Variants in TMPRSS4 observed in about 807,000 individuals in gnomAD.
TMPRSS4 encodes the protein transmembrane protease serine 4.
TMPRSS4 carries 45 observed loss-of-function variants against 56.4 expected under a neutral mutation model. The ratio of observed to expected loss-of-function variants is 0.80; its 90% CI spans 0.63 to 1.02. The LOEUF (loss-of-function observed/expected upper bound fraction) is 1.02. TMPRSS4 is among the 50% of genes least tolerant of loss of function. TMPRSS4 has a pLI of 0.00. For missense variants in TMPRSS4, 546 were observed against 556.7 expected (o/e 0.98, Z 0.19); for synonymous variants, 205 against 211.0 (o/e 0.97, Z 0.25).
rs377614226 is a variant in TMPRSS4, at chr11:118,111,765, C to G, written c.608C>G (p.Pro203Arg). The stretch of plus-strand genomic sequence containing the variant: ...GCCTGTGGGAAGAGCCTGAAGACCC[C>G]CCGTGTGGTGGGTGTGGAGGAGGCC... ...CLACGKSLKT[P>R]RVVGVEEASV... The change falls in exon 8 of 13, where the codon CCC becomes CGC. Residue 203 changes from proline (P) to arginine (R), a missense_variant. Pro to Arg is a moderately radical substitution (Grantham distance 103). Coordinates refer to ENST00000437212, the MANE Select transcript of TMPRSS4 (RefSeq NM_019894.4). The G allele has an allele frequency of 3.1e-6, 5 of 1,596,060 alleles. No individual in the cohort carries two copies. The highest frequency in any genetic ancestry group is 2.7e-5 in the African/African-American group (2 of 73,792).
intron 1 of TMPRSS4, among the ~76,000 whole-genome samples, chr11:118,087,326 C>T (rs1244343625): frequency 1.3e-5 from 2 of 152,172 alleles, no homozygotes; most frequent in Non-Finnish European, 2.9e-5. Context: ...GGACAGGATG[C>T]TTGGCAAGGG....
chr11:118,118,826 CCTAA>C lies in TMPRSS4; in HGVS notation c.*916_*919del. On this transcript the variant is annotated 3_prime_UTR_variant, in exon 13 of 13. Coordinates refer to ENST00000437212, the MANE Select transcript of TMPRSS4 (RefSeq NM_019894.4). ...CTGGAAAGAAATGCTGGTCCTGTGT[CCTAA>C]CTTTTTCCGCCTGGAGAGCCCTCAG... The C allele has an allele frequency of 1.0e-6, 1 of 985,412 alleles. No individual in the cohort carries two copies. The highest frequency in any genetic ancestry group is 1.2e-6 in the Non-Finnish European group (1 of 829,930). 61.0% of individuals were successfully genotyped at this position (985,412 alleles called of 1,614,324 possible).
At chr11:118,082,725 C>T (rs552774856) in intron 1 of TMPRSS4, among the ~76,000 whole-genome samples, 1 of 151,848 alleles carries the variant, frequency 6.6e-6, no homozygotes, top group Non-Finnish European at 1.5e-5. Context: ...GAAAAAAAAA[C>T]CCAAATTACC....
chr11:118,085,000 C>T (rs1464365684), intron 1 of TMPRSS4, among the ~76,000 whole-genome samples: 1 of 152,148 alleles, frequency 6.6e-6, no homozygotes, highest in Non-Finnish European at 1.5e-5. Flanking sequence ...ATGAGCAAGT[C>T]TGTAAAATCA....
At chr11:118,081,147 A>G (rs565206106) in intron 1 of TMPRSS4, among the ~76,000 whole-genome samples, 1 of 152,296 alleles carries the variant, frequency 6.6e-6, no homozygotes, top group Admixed American at 6.5e-5. Context: ...TAAATAATCA[A>G]AGACAGAATC....
intron 5 of TMPRSS4, 50 bp downstream of exon 5, chr11:118,104,870 C>G (rs1288415222): frequency 6.7e-7 from 1 of 1,499,694 alleles, no homozygotes; most frequent in East Asian, 2.5e-5. Context: ...CCTTCCTCCT[C>G]TTCCTCCTTT....
chr11:118,093,883 T>G (rs7104016), intron 1 of TMPRSS4, among the ~76,000 whole-genome samples: 138,861 of 151,694 alleles, frequency 0.92, 63,645 homozygotes, highest in Non-Finnish European at 0.93. Flanking sequence ...CTTTTAAACT[T>G]TATATAAGTG....
At chr11:118,115,555 C>T (rs558692390) in intron 11 of TMPRSS4, 27 of 376,326 alleles carry the variant, frequency 7.2e-5, no homozygotes, top group Non-Finnish European at 1.1e-4. Flanking sequence ...CATGGTGGCT[C>T]ACGCTTGTAA....
At chr11:118,111,663 T>G in intron 7 of TMPRSS4, 78 bp from the exon 8 acceptor site, 1 of 1,249,674 alleles carries the variant, frequency 8.0e-7, no homozygotes, top group Non-Finnish European at 1.1e-6. Context: ...TTAGAGCAGA[T>G]TTTGGGTGCT....
At chr11:118,116,342 C>T (rs757458566) in intron 11 of TMPRSS4, among the ~76,000 whole-genome samples, 1 of 152,168 alleles carries the variant, frequency 6.6e-6, no homozygotes, top group Non-Finnish European at 1.5e-5. Context: ...TCTTAGTCAT[C>T]GCATGTGTGC....
chr11:118,091,932 A>ATC lies in TMPRSS4; in HGVS notation c.4-2883_4-2882insCT, dbSNP rs1591363359. On this transcript the variant is annotated intron_variant, in intron 1 of 12. Coordinates refer to ENST00000437212, the MANE Select transcript of TMPRSS4 (RefSeq NM_019894.4). The stretch of plus-strand genomic sequence containing the variant: ...GATGGTGGAGGAGAGACGGCCGGGA[A>ATC]TGAACTACAATGCAGAGCTCAAAGT... Among the ~76,000 whole-genome samples, 3 of 152,338 alleles carry ATC rather than the reference A, an allele frequency of 2.0e-5. No homozygotes were observed. The East Asian group carries it at 5.8e-4, about 29-fold the overall frequency.
At position 118,118,807 on chromosome 11, in the gene TMPRSS4, A is replaced by G. The variant is rs1591418375; in HGVS notation, c.*894A>G. 2 of 985,474 alleles carry G rather than the reference A, an allele frequency of 2.0e-6. No homozygotes were observed. The highest frequency in any genetic ancestry group is 4.7e-5 in the South Asian group (1 of 21,292). 61.0% of individuals were successfully genotyped at this position (985,474 alleles called of 1,614,324 possible). The stretch of plus-strand genomic sequence containing the variant: ...ATCAGGGATCCACAAGTGGCTGGAA[A>G]GAAATGCTGGTCCTGTGTCCTAACT... On this transcript the variant is annotated 3_prime_UTR_variant, in exon 13 of 13. Transcript: ENST00000437212.
downstream of TMPRSS4, chr11:118,125,246 G>A (rs1024793621): frequency 4.4e-6 from 2 of 456,524 alleles, no homozygotes; most frequent in African/African-American, 4.0e-5. Flanking sequence ...AATGGAAGAT[G>A]GGAGACAGGA....
At chr11:118,082,947 T>C (rs922932707) in intron 1 of TMPRSS4, among the ~76,000 whole-genome samples, 2 of 152,108 alleles carry the variant, frequency 1.3e-5, no homozygotes, top group Non-Finnish European at 2.9e-5. Flanking sequence ...TTAGCTCCAC[T>C]GAAATCAAAT....
At position 118,116,715 on chromosome 11, in the gene TMPRSS4, C is replaced by CTTTTTT. The variant is rs58251133; in HGVS notation, c.1153-579_1153-574dup. On this transcript the variant is annotated intron_variant, in intron 11 of 12. Coordinates refer to ENST00000437212, the MANE Select transcript of TMPRSS4 (RefSeq NM_019894.4). Reference sequence around the variant, plus strand: ...ACTAGGTTAAACAATGATAACCAGGCTTTTTTTTTTTTTTTTGAGACTGAG... The same window carrying CTTTTTT: ...ACTAGGTTAAACAATGATAACCAGGCTTTTTTTTTTTTTTTTTTTTTTGAGACTGAG... Among the ~76,000 whole-genome samples the CTTTTTT allele has an allele frequency of 7.1e-3, 875 of 123,308 alleles. 28 individuals are homozygous for CTTTTTT. The highest frequency in any genetic ancestry group is 9.7e-3 in the African/African-American group (304 of 31,214). 80.9% of individuals were successfully genotyped at this position (123,308 alleles called of 152,430 possible). A position where few individuals can be genotyped will look rare whatever the true frequency, so the allele number is the denominator to read the frequency against.
intron 1 of TMPRSS4, among the ~76,000 whole-genome samples, chr11:118,090,781 CTCTT>C (rs66819452): frequency 0.082 from 12,341 of 150,756 alleles, 585 homozygotes; most frequent in Middle Eastern, 0.12. Flanking sequence ...CTGTCTCTCT[CTCTT>C]TCTTTCTCTC....
At chr11:118,107,747 A>ACT in intron 5 of TMPRSS4, 27 bp from the exon 6 acceptor site, 1 of 1,603,366 alleles carries the variant, frequency 6.2e-7, no homozygotes, top group Non-Finnish European at 8.5e-7. Flanking sequence ...CCAGCTCACA[A>ACT]CTCTCTCTCC....
At chr11:118,105,260 G>T (rs555130044) in intron 5 of TMPRSS4, among the ~76,000 whole-genome samples, 9 of 152,296 alleles carry the variant, frequency 5.9e-5, no homozygotes, top group African/African-American at 1.9e-4. Context: ...CCTAGTTTCA[G>T]TGGGGCCCCA....
In TMPRSS4 at chr11:118,118,356, A is replaced by C. The variant is rs1335815943; in HGVS notation, c.*443A>C. ...GAGCAAGAAACCAGTTGTAATATAA[A>C]ATGCACTGCCCTACTGTTGGTATGA... On this transcript the variant is annotated 3_prime_UTR_variant, in exon 13 of 13. Transcript: ENST00000437212. 45 of 1,028,026 alleles carry C rather than the reference A, an allele frequency of 4.4e-5. No individual in the cohort carries two copies. Among genetic ancestry groups the C allele is most frequent in the Non-Finnish European group, 5.0e-5 (43 of 857,850 alleles). The allele number at this position is 1,028,026 out of a possible 1,614,324, so 63.7% of individuals were successfully genotyped here.
Sources: gnomAD v4.1 joint callset for allele counts (sites outside exome capture counted in the v4.1 genomes callset) on GRCh38, gnomAD v4.1.1 for gene constraint, MANE v1.5 for transcripts, NCBI Gene and HGNC (gene_info 2026-07-23, HGNC 2026-07-21) for gene names.